The following CAMK1D variants were observed in gnomAD, a reference collection of about 807,000 sequenced individuals.
The protein encoded by CAMK1D is calcium/calmodulin-dependent protein kinase type 1D.
A neutral mutation model predicts 47.7 loss-of-function variants in CAMK1D; 9 were observed. The ratio of observed to expected loss-of-function variants is 0.19; its 90% CI spans 0.11 to 0.33. The LOEUF (loss-of-function observed/expected upper bound fraction) is 0.33, where lower values mean the gene tolerates loss of function less well. Ranked by LOEUF, CAMK1D falls within the 10% of genes least tolerant of loss-of-function variation. CAMK1D has a pLI of 1.00. For synonymous variants in CAMK1D, 184 were observed against 184.9 expected (o/e 0.99, Z 0.04); for missense variants, 291 against 488.7 (o/e 0.60, Z 3.81).
chr10:12,479,759 T>C lies in CAMK1D; in HGVS notation c.93-73466T>C, dbSNP rs367578937. 3.2e-4 allele frequency among the ~76,000 whole-genome samples: 48 copies of C among 152,308 alleles called. 1 individual carries two copies. The highest frequency in any genetic ancestry group is 1.1e-3 in the African/African-American group (47 of 41,564). ...GAGAGCGGCTCTTCTTTCTTCTGGC[T>C]GGGATCCTGGCATGCATGGGTGTAC... On this transcript the variant is annotated intron_variant, in intron 1 of 10. Coordinates refer to ENST00000619168, the MANE Select transcript of CAMK1D (RefSeq NM_153498.4).
At chr10:12,650,964 G>A (rs938819878) in intron 2 of CAMK1D, among the ~76,000 whole-genome samples, 6 of 152,106 alleles carry the variant, frequency 3.9e-5, no homozygotes, top group African/African-American at 9.7e-5. Context: ...ATTCGAGTTC[G>A]CTTCCCCTAA....
Position 12,677,425 on chromosome 10 carries a change from C to T in CAMK1D, c.299+10615C>T, listed in dbSNP as rs141367916. Among the ~76,000 whole-genome samples, 561 of 151,480 alleles carry T rather than the reference C, an allele frequency of 3.7e-3. 6 individuals carry two copies. The highest frequency in any genetic ancestry group is 0.016 in the Admixed American group (250 of 15,232). ...CTGTGGTTTCTGCTGTTTAGCATTG[C>T]GGGGGTGGGAAGGGGCTTGGGGGAT... is the stretch of plus-strand genomic sequence containing the variant. On this transcript the variant is annotated intron_variant, in intron 3 of 10. Transcript: ENST00000619168.
At chr10:12,750,343 C>A (rs1197739092) in intron 3 of CAMK1D, among the ~76,000 whole-genome samples, 1 of 152,166 alleles carries the variant, frequency 6.6e-6, no homozygotes, top group African/African-American at 2.4e-5. Flanking sequence ...GCAGATCATT[C>A]TAAATGGTTT....
At chr10:12,634,896 G>A (rs940688135) in intron 2 of CAMK1D, among the ~76,000 whole-genome samples, 1 of 152,118 alleles carries the variant, frequency 6.6e-6, no homozygotes, top group African/African-American at 2.4e-5. Flanking sequence ...AGTGGGACTT[G>A]GGTGGCAGCA....
chr10:12,518,923 A>AT (rs1318682993), intron 1 of CAMK1D, among the ~76,000 whole-genome samples: 3 of 129,998 alleles, frequency 2.3e-5, no homozygotes, highest in Non-Finnish European at 3.4e-5. Context: ...CGATTTCTCA[A>AT]TTTTTTCCCC....
At chr10:12,481,643 G>A (rs1042826815) in intron 1 of CAMK1D, among the ~76,000 whole-genome samples, 17 of 152,178 alleles carry the variant, frequency 1.1e-4, no homozygotes, top group African/African-American at 3.1e-4. Context: ...CTGAGCAGCC[G>A]CGATTACAGG....
intron 2 of CAMK1D, among the ~76,000 whole-genome samples, chr10:12,589,841 G>A (rs1375304262): frequency 6.6e-6 from 1 of 152,138 alleles, no homozygotes; most frequent in African/African-American, 2.4e-5. Flanking sequence ...GGATTTTTCT[G>A]ATCAGAACAT....
chr10:12,584,322 A>G (rs1184971335), intron 2 of CAMK1D, among the ~76,000 whole-genome samples: 1 of 152,246 alleles, frequency 6.6e-6, no homozygotes, highest in East Asian at 1.9e-4. Flanking sequence ...GTCATCGTCT[A>G]AGACGTAGGC....
At chr10:12,658,042 C>T (rs193060844) in intron 2 of CAMK1D, among the ~76,000 whole-genome samples, 3 of 152,100 alleles carry the variant, frequency 2.0e-5, no homozygotes, top group East Asian at 3.9e-4. Flanking sequence ...CCTAGCTACT[C>T]GGGAGGCTGA....
At chr10:12,611,839 C>T (rs1838635847) in intron 2 of CAMK1D, among the ~76,000 whole-genome samples, 4 of 152,136 alleles carry the variant, frequency 2.6e-5, no homozygotes, top group East Asian at 1.9e-4. Flanking sequence ...GCGATCTACC[C>T]GCCTCGGCCT....
intron 8 of CAMK1D, among the ~76,000 whole-genome samples, chr10:12,821,674 G>T (rs1309556531): frequency 6.6e-6 from 1 of 152,222 alleles, no homozygotes; most frequent in African/African-American, 2.4e-5. Context: ...GTTCTTGTAG[G>T]TATTAAAACC....
intron 2 of CAMK1D, among the ~76,000 whole-genome samples, chr10:12,644,096 A>G (rs1018843984): frequency 1.3e-5 from 2 of 152,098 alleles, no homozygotes; most frequent in East Asian, 1.9e-4. Context: ...TCCCGAAACC[A>G]TCTTCCCCTG....
intron 1 of CAMK1D, among the ~76,000 whole-genome samples, chr10:12,458,809 A>T (rs1320227311): frequency 6.6e-6 from 1 of 151,550 alleles, no homozygotes; most frequent in African/African-American, 2.4e-5. Context: ...AGCAGTCAGG[A>T]TTACATTTTA....
At chr10:12,396,183 G>A (rs1838946298) in intron 1 of CAMK1D, among the ~76,000 whole-genome samples, 1 of 152,104 alleles carries the variant, frequency 6.6e-6, no homozygotes, top group Non-Finnish European at 1.5e-5. Context: ...CAAAAGAGTT[G>A]TTTTTTAAGT....
chr10:12,542,184 A>G (rs765553241), intron 1 of CAMK1D, among the ~76,000 whole-genome samples: 1 of 152,070 alleles, frequency 6.6e-6, no homozygotes, highest in Non-Finnish European at 1.5e-5. Context: ...CCAGCTTTTC[A>G]GTGTTTTAAA....
At chr10:12,570,179 G>A (rs1588644568) in intron 2 of CAMK1D, among the ~76,000 whole-genome samples, 1 of 151,942 alleles carries the variant, frequency 6.6e-6, no homozygotes, top group Admixed American at 6.6e-5. Flanking sequence ...CAGCCTGGGC[G>A]ACAGAGTGAG....
chr10:12,616,693 A>G (rs1361528595), intron 2 of CAMK1D, among the ~76,000 whole-genome samples: 1 of 151,778 alleles, frequency 6.6e-6, no homozygotes, highest in African/African-American at 2.4e-5. Context: ...AATTTTTTCT[A>G]TTTGTAGTAG....
chr10:12,717,275 C>G (rs907706518), intron 3 of CAMK1D, among the ~76,000 whole-genome samples: 60 of 152,272 alleles, frequency 3.9e-4, no homozygotes, highest in African/African-American at 1.3e-3. Flanking sequence ...GAACTCTTAA[C>G]TGCTTGTTCC....
chr10:12,704,788 T>C (rs1484229146), intron 3 of CAMK1D, among the ~76,000 whole-genome samples: 1 of 152,200 alleles, frequency 6.6e-6, no homozygotes, highest in Admixed American at 6.5e-5. Context: ...TTACTGCATC[T>C]CCCATGGAAA....
Sources: allele counts gnomAD v4.1 joint callset (sites outside exome capture counted in the v4.1 genomes callset), GRCh38; gene constraint gnomAD v4.1.1; transcripts MANE v1.5; gene names NCBI Gene and HGNC (gene_info 2026-07-23, HGNC 2026-07-21).